The following MND1 variants were observed in gnomAD, a reference collection of about 807,000 sequenced individuals.
The protein encoded by MND1 is meiotic nuclear divisions 1, also known as meiotic nuclear division protein 1 homolog.
Under a neutral mutation model 35.1 loss-of-function variants are expected in MND1, and 28 were observed. The observed-to-expected ratio is 0.80, with a 90% CI of 0.59 to 1.09. The LOEUF (loss-of-function observed/expected upper bound fraction) is 1.09. Ranked by LOEUF, MND1 falls within the 50% of genes least tolerant of loss-of-function variation. The pLI, the probability that MND1 is intolerant of heterozygous loss-of-function variation, is 0.00. For missense variants in MND1, 213 were observed against 239.6 expected (o/e 0.89, Z 0.73); for synonymous variants, 69 against 70.5 (o/e 0.98, Z 0.11).
intron 4 of MND1, among the ~76,000 whole-genome samples, chr4:153,377,344 A>G (rs1275464939): frequency 2.0e-5 from 3 of 152,220 alleles, no homozygotes; most frequent in African/African-American, 7.2e-5. Context: ...TTTATAGCTA[A>G]AACTGAGTGC....
At chr4:153,368,187 T>C (rs1174542039) in intron 4 of MND1, among the ~76,000 whole-genome samples, 1 of 152,200 alleles carries the variant, frequency 6.6e-6, no homozygotes, top group Non-Finnish European at 1.5e-5. Context: ...TTGTTCTTGC[T>C]TTTATCCTTT....
At chr4:153,379,682 T>C (rs1033722184) in intron 4 of MND1, among the ~76,000 whole-genome samples, 1 of 151,638 alleles carries the variant, frequency 6.6e-6, no homozygotes, top group Non-Finnish European at 1.5e-5. Context: ...AAACCCCGTC[T>C]CTACTAAAAA....
At chr4:153,405,942 T>C (rs1579956335) in intron 6 of MND1, among the ~76,000 whole-genome samples, 1 of 152,176 alleles carries the variant, frequency 6.6e-6, no homozygotes, top group East Asian at 2.0e-4. Context: ...TACCTGGGAC[T>C]ACAGGCGCCC....
At chr4:153,372,373 A>G (rs576678777) in intron 4 of MND1, among the ~76,000 whole-genome samples, 5 of 151,380 alleles carry the variant, frequency 3.3e-5, no homozygotes, top group Admixed American at 1.3e-4. Context: ...AGAGGATATC[A>G]TAGGATTTTT....
intron 6 of MND1, among the ~76,000 whole-genome samples, chr4:153,402,070 G>A (rs1309214599): frequency 3.3e-5 from 5 of 152,106 alleles, no homozygotes; most frequent in South Asian, 4.1e-4. Context: ...CAGGAGAATC[G>A]CTTGAACTGG....
intron 6 of MND1, among the ~76,000 whole-genome samples, chr4:153,406,246 G>A (rs1487922458): frequency 2.0e-5 from 3 of 152,170 alleles, no homozygotes; most frequent in Non-Finnish European, 4.4e-5. Context: ...AAGAGGCTGG[G>A]CGCGGTGTCT....
At chr4:153,374,017 C>T (rs1381807895) in intron 4 of MND1, among the ~76,000 whole-genome samples, 1 of 152,142 alleles carries the variant, frequency 6.6e-6, no homozygotes. Flanking sequence ...ATGGAAATCA[C>T]AGCTTCACTT....
At chr4:153,356,967 C>T (rs1430587974) in intron 3 of MND1, among the ~76,000 whole-genome samples, 1 of 152,030 alleles carries the variant, frequency 6.6e-6, no homozygotes, top group Non-Finnish European at 1.5e-5. Flanking sequence ...GGATTACAAG[C>T]TCCTGCCACC....
rs1045129123 is a variant in MND1, at chr4:153,358,549, C to T, written c.203C>T (p.Ser68Phe). Residue 68 changes from serine (S) to phenylalanine (F), a missense_variant, in exon 4 of 8, where the codon TCT (serine) becomes TTT (phenylalanine). Coordinates refer to ENST00000240488, the MANE Select transcript of MND1 (RefSeq NM_032117.4). The part of the protein sequence containing the change: ...GMVDCERIGT[S>F]NYYWAFPSKA... ...GTTGACTGTGAGAGGATCGGAACTT[C>T]TAATTATTATTGGGCTTTTCCAAGT... is the stretch of plus-strand genomic sequence containing the variant. The T allele has an allele frequency of 1.2e-6, 2 of 1,613,482 alleles. No individual in the cohort carries two copies. Among genetic ancestry groups the T allele is most frequent in the African/African-American group, 2.7e-5 (2 of 74,888 alleles).
chr4:153,345,586 T>C, intron 1 of MND1: 1 of 966,624 alleles, frequency 1.0e-6, no homozygotes, highest in Non-Finnish European at 1.2e-6. Context: ...ATGCCGTTTT[T>C]TCTGCTTCAG....
intron 4 of MND1, among the ~76,000 whole-genome samples, chr4:153,379,517 T>C (rs1359164096): frequency 6.6e-6 from 1 of 151,452 alleles, no homozygotes; most frequent in Non-Finnish European, 1.5e-5. Context: ...AGCTTGACCG[T>C]GATAGCAAGC....
rs551028285 is a variant in MND1 at position 153,397,856 on chromosome 4, C to A, written c.466+523C>A. Among the ~76,000 whole-genome samples the A allele has an allele frequency of 2.6e-5, 4 of 152,096 alleles. No individual in the cohort carries two copies. In the South Asian group the frequency reaches 8.3e-4, roughly 32 times the overall value. ...GAAGTCTTAATGTTAGAGCATTGAA[C>A]AGCGACAATTTTGAAATTATAAGCA... On this transcript the variant is annotated intron_variant, in intron 6 of 7. Coordinates refer to ENST00000240488, the MANE Select transcript of MND1 (RefSeq NM_032117.4).
chr4:153,364,066 C>T (rs1773563847), intron 4 of MND1, among the ~76,000 whole-genome samples: 1 of 151,714 alleles, frequency 6.6e-6, no homozygotes, highest in African/African-American at 2.4e-5. Context: ...AGATTTATTA[C>T]AAAATAATAA....
chr4:153,363,618 C>A (rs747112988), intron 4 of MND1, among the ~76,000 whole-genome samples: 4 of 151,970 alleles, frequency 2.6e-5, no homozygotes, highest in Admixed American at 6.5e-5. Flanking sequence ...AGCTTTCAGT[C>A]AGTTGTAGGA....
At chr4:153,372,027 C>T (rs1203119614) in intron 4 of MND1, among the ~76,000 whole-genome samples, 5 of 151,904 alleles carry the variant, frequency 3.3e-5, no homozygotes, top group African/African-American at 7.2e-5. Context: ...GATGGGGGAA[C>T]GGTGAGTCAC....
chr4:153,394,671 A>G (rs1456056499), intron 5 of MND1, among the ~76,000 whole-genome samples: 1 of 152,208 alleles, frequency 6.6e-6, no homozygotes, highest in Admixed American at 6.5e-5. Flanking sequence ...AAACTAGTTA[A>G]TATTTGCAAA....
intron 7 of MND1, among the ~76,000 whole-genome samples, chr4:153,409,540 G>A (rs1729623012): frequency 6.6e-6 from 1 of 152,110 alleles, no homozygotes; most frequent in East Asian, 1.9e-4. Flanking sequence ...GGCCACACAT[G>A]TGTCAGACAG....
chr4:153,390,513 G>A (rs1728989280), intron 4 of MND1, among the ~76,000 whole-genome samples: 1 of 152,072 alleles, frequency 6.6e-6, no homozygotes, highest in Non-Finnish European at 1.5e-5. Context: ...ATTCCAAACA[G>A]ATGTATAGTA....
intron 1 of MND1, chr4:153,345,409 G>T: frequency 1.0e-6 from 1 of 985,572 alleles, no homozygotes; most frequent in Non-Finnish European, 1.2e-6. Context: ...CGCTGCTCTT[G>T]TGCCGGGTGC....
Sources: gnomAD v4.1 joint callset for allele counts (sites outside exome capture counted in the v4.1 genomes callset) on GRCh38, gnomAD v4.1.1 for gene constraint, MANE v1.5 for transcripts, NCBI Gene and HGNC (gene_info 2026-07-23, HGNC 2026-07-21) for gene names.